Variants in DHX36 observed in about 807,000 individuals in gnomAD.
The protein encoded by DHX36 is DEAH-box helicase 36.
DHX36 carries 50 observed loss-of-function variants against 139.0 expected under a neutral mutation model. The observed-to-expected ratio is 0.36, with a 90% confidence interval of 0.29 to 0.46. The LOEUF (loss-of-function observed/expected upper bound fraction) is 0.46, where lower values mean the gene tolerates loss of function less well. Ranked by LOEUF, DHX36 falls within the 20% of genes least tolerant of loss-of-function variation. The pLI, the probability that DHX36 is intolerant of heterozygous loss-of-function variation, is 1.00. For synonymous variants in DHX36, 425 were observed against 401.9 expected (o/e 1.06, Z -0.69); for missense variants, 1,024 against 1,211.3 (o/e 0.85, Z 2.29).
At chr3:154,286,919 C>G (rs906101978) in intron 17 of DHX36, among the ~76,000 whole-genome samples, 1 of 152,060 alleles carries the variant, frequency 6.6e-6, no homozygotes, top group African/African-American at 2.4e-5. Flanking sequence ...TGGGCTCAAG[C>G]AGTCCTCCCA....
At chr3:154,321,759 G>A (rs1713193031) in intron 1 of DHX36, among the ~76,000 whole-genome samples, 1 of 152,130 alleles carries the variant, frequency 6.6e-6, no homozygotes, top group Admixed American at 6.5e-5. Flanking sequence ...AGGAGCTCAA[G>A]ACCAGCCTGG....
chr3:154,298,139 ATAAT>A (rs1368046495), intron 12 of DHX36, among the ~76,000 whole-genome samples: 1 of 152,236 alleles, frequency 6.6e-6, no homozygotes, highest in Non-Finnish European at 1.5e-5. Context: ...TTCCTTGAGA[ATAAT>A]TAATTCAAAC....
intron 3 of DHX36, 109 bp from the exon 4 acceptor site, chr3:154,311,783 T>TAA: frequency 1.4e-6 from 1 of 726,892 alleles, no homozygotes; most frequent in South Asian, 2.0e-5. Context: ...CGAAAGTATT[T>TAA]TTATTATCTC....
At chr3:154,290,345 C>G (rs1049420677) in intron 15 of DHX36, among the ~76,000 whole-genome samples, 1 of 152,008 alleles carries the variant, frequency 6.6e-6, no homozygotes, top group East Asian at 1.9e-4. Flanking sequence ...AATGATAAGA[C>G]TAGATGTAGG....
In DHX36 at chr3:154,304,896, C is replaced by T; in HGVS notation, c.1045G>A (p.Val349Ile). The T allele has an allele frequency of 6.2e-7, 1 of 1,612,810 alleles. No homozygotes were observed. Among genetic ancestry groups the T allele is most frequent in the Non-Finnish European group, 8.5e-7 (1 of 1,179,556 alleles). The change falls in exon 8 of 25, where the codon GTT becomes ATT. Residue 349 changes from valine to isoleucine, a missense_variant. Physicochemically the swap from Val to Ile is conservative, Grantham distance 29. Transcript: ENST00000496811. ...CGAAAATTGAGAAGGTCTTTAACAA[C>T]AGTCATTAAAACATCTGACTGCAGA... Reference protein sequence around the residue: ...RNLQSDVLMTVVKDLLNFRSD... With the variant: ...RNLQSDVLMTIVKDLLNFRSD...
At chr3:154,312,895 A>ATATATATG (rs1712827274) in intron 3 of DHX36, among the ~76,000 whole-genome samples, 1 of 106,942 alleles carries the variant, frequency 9.4e-6, no homozygotes, top group South Asian at 3.1e-4. Context: ...ATATATATAT[A>ATATATATG]TATATAAAAT....
chr3:154,274,108 G>T lies in DHX36; in HGVS notation c.*2063C>A. The T allele has an allele frequency of 6.5e-6, 1 of 152,694 alleles. No homozygotes were observed. The highest frequency in any genetic ancestry group is 1.5e-5 in the Non-Finnish European group (1 of 68,344). 9.5% of individuals were successfully genotyped at this position (152,694 alleles called of 1,614,324 possible). On this transcript the variant is annotated 3_prime_UTR_variant, in exon 25 of 25. Transcript: ENST00000496811. ...GACTGCTTGAGCACAGGAGTTTTGA[G>T]ACCAGCCTGGGCAACATGGTGAAAC... is the stretch of plus-strand genomic sequence containing the variant.
chr3:154,278,214 T>C (rs527611172), intron 22 of DHX36, among the ~76,000 whole-genome samples: 14 of 152,100 alleles, frequency 9.2e-5, no homozygotes, highest in Non-Finnish European at 1.5e-4. Context: ...ATGACCCAGA[T>C]GAATAAAAAA....
intron 13 of DHX36, among the ~76,000 whole-genome samples, chr3:154,294,961 G>C (rs1032246464): frequency 1.3e-5 from 2 of 152,136 alleles, no homozygotes; most frequent in African/African-American, 4.8e-5. Flanking sequence ...TTAATTTCTA[G>C]GTTTGGTTAC....
chr3:154,278,387 G>C (rs978411727), intron 22 of DHX36: 1 of 151,270 alleles, frequency 6.6e-6, no homozygotes, highest in African/African-American at 2.4e-5. Context: ...TTTTTAAATA[G>C]TTAATGTTAA....
rs138915924 is a variant in DHX36 at position 154,322,330 on chromosome 3, G to T, written c.243+1844C>A. On this transcript the variant is annotated intron_variant, in intron 1 of 24. Coordinates refer to ENST00000496811, the MANE Select transcript of DHX36 (RefSeq NM_020865.3). ...CTTCCAATCTGAAGTTGTGAATTAG[G>T]TAATAAAATGATCTAATTTTTCCTT... 9.3e-4 allele frequency among the ~76,000 whole-genome samples: 142 copies of T among 152,278 alleles called. 1 individual carries two copies. The East Asian group carries it at 0.027, about 29-fold the overall frequency.
In DHX36 at chr3:154,309,796, G is replaced by T; in HGVS notation, c.670C>A (p.Gln224Lys). 1 of 1,606,442 alleles carries T rather than the reference G, an allele frequency of 6.2e-7. No homozygotes were observed. ...GTTTCACCACTTATTACTGTTACCT[G>T]ATGGTTATCAATTAAATTTACCAAT... is the stretch of plus-strand genomic sequence containing the variant. ...KELVNLIDNHQVTVISGETGC... is the reference protein window; with the variant it reads ...KELVNLIDNHKVTVISGETGC... Residue 224 changes from glutamine to lysine, a missense_variant, in exon 5 of 25, where the codon CAG (glutamine) becomes AAG (lysine). Transcript: ENST00000496811.
chr3:154,277,501 A>G, intron 23 of DHX36, 97 bp downstream of exon 23: 2 of 1,314,344 alleles, frequency 1.5e-6, no homozygotes, highest in Non-Finnish European at 2.0e-6. Context: ...AGACACAACA[A>G]AAAAAAAATT....
intron 9 of DHX36, among the ~76,000 whole-genome samples, 183 bp from the exon 10 acceptor site, chr3:154,301,310 G>A (rs567055501): frequency 6.6e-6 from 1 of 152,088 alleles, no homozygotes; most frequent in African/African-American, 2.4e-5. Flanking sequence ...CTGATATTTT[G>A]GATAAAAATC....
intron 3 of DHX36, among the ~76,000 whole-genome samples, chr3:154,313,912 C>G (rs1712862858): frequency 6.6e-6 from 1 of 152,110 alleles, no homozygotes. Flanking sequence ...GACATGTAGT[C>G]TCTTATTCAA....
chr3:154,282,446 T>C (rs1297652766), intron 20 of DHX36, among the ~76,000 whole-genome samples: 1 of 152,164 alleles, frequency 6.6e-6, no homozygotes, highest in Admixed American at 6.5e-5. Flanking sequence ...TTCTAACCTA[T>C]GTTTTGCTGA....
chr3:154,318,431 C>G (rs1210314040), intron 1 of DHX36, among the ~76,000 whole-genome samples: 1 of 152,024 alleles, frequency 6.6e-6, no homozygotes, highest in Non-Finnish European at 1.5e-5. Flanking sequence ...AAACAATTTC[C>G]TAGATTGACA....
At position 154,309,667 on chromosome 3, in the gene DHX36, T is replaced by A; in HGVS notation, c.799A>T (p.Ile267Phe). The A allele has an allele frequency of 6.3e-7, 1 of 1,599,634 alleles. No individual in the cohort carries two copies. Among genetic ancestry groups the A allele is most frequent in the Non-Finnish European group, 8.5e-7 (1 of 1,176,120 alleles). Residue 267 changes from isoleucine (I) to phenylalanine (F), a missense_variant, in exon 5 of 25, where the codon ATT (isoleucine) becomes TTT (phenylalanine). Coordinates refer to ENST00000496811, the MANE Select transcript of DHX36 (RefSeq NM_020865.3). ...AGATTACTTACTGAAATGGCACTAA[T>A]TCTTCTTGGCTGAGTACAAACTATT... ...CRIVCTQPRR[I>F]SAISVAERVA...
At position 154,272,696 on chromosome 3, in the gene DHX36, A is replaced by C. The variant is rs1719033067; in HGVS notation, c.*3475T>G. The C allele has an allele frequency of 6.6e-6, 1 of 151,984 alleles. No individual in the cohort carries two copies. The highest frequency in any genetic ancestry group is 1.5e-5 in the Non-Finnish European group (1 of 67,994). 9.4% of individuals were successfully genotyped at this position (151,984 alleles called of 1,614,324 possible). On this transcript the variant is annotated 3_prime_UTR_variant, in exon 25 of 25. Coordinates refer to ENST00000496811, the MANE Select transcript of DHX36 (RefSeq NM_020865.3). ...TTGTCCAGGGAGGATGTATTATTTT[A>C]AAATCAGAACAAAAATCCCATTTAA...
Sources: gnomAD v4.1 joint callset for allele counts (sites outside exome capture counted in the v4.1 genomes callset) on GRCh38, gnomAD v4.1.1 for gene constraint, MANE v1.5 for transcripts, NCBI Gene and HGNC (gene_info 2026-07-23, HGNC 2026-07-21) for gene names.